Variants in CFAP74 observed in about 807,000 individuals in gnomAD.
The protein encoded by CFAP74 is cilia and flagella associated protein 74, also known as cilia- and flagella-associated protein 74.
Under a neutral mutation model 188.9 loss-of-function variants are expected in CFAP74, and 124 were observed. The ratio of observed to expected loss-of-function variants is 0.66; its 90% CI spans 0.57 to 0.76. The LOEUF is 0.76. Among genes scored for constraint, CFAP74 ranks in the 30% least tolerant of loss-of-function variants. CFAP74 has a pLI of 0.00. For missense variants in CFAP74, 2,198 were observed against 2,165.2 expected (o/e 1.02, Z -0.30); for synonymous variants, 956 against 916.7 (o/e 1.04, Z -0.77).
At chr1:1,992,846 G>A (rs1206113840) in intron 1 of CFAP74, among the ~76,000 whole-genome samples, 1 of 152,074 alleles carries the variant, frequency 6.6e-6, no homozygotes, top group African/African-American at 2.4e-5. Flanking sequence ...TTAGGAGCTT[G>A]CTCGTGTGGA....
At chr1:2,000,489 T>C (rs1658155225) in intron 1 of CFAP74, among the ~76,000 whole-genome samples, 1 of 151,698 alleles carries the variant, frequency 6.6e-6, no homozygotes, top group South Asian at 2.1e-4. Flanking sequence ...CTTCCCGGGG[T>C]CGCCATAACA....
intron 13 of CFAP74, 104 bp downstream of exon 13, chr1:1,964,784 C>G: frequency 8.1e-7 from 1 of 1,231,088 alleles, no homozygotes; most frequent in Non-Finnish European, 1.2e-6. Flanking sequence ...AGTGAGACTC[C>G]ATCTCAAAAA....
chr1:1,971,209 C>T (rs931905806), intron 9 of CFAP74, among the ~76,000 whole-genome samples: 9 of 146,696 alleles, frequency 6.1e-5, no homozygotes, highest in Non-Finnish European at 1.0e-4. Flanking sequence ...ACATGCACAC[C>T]TGCACACATA....
chr1:1,959,782 C>T (rs1654939030), intron 15 of CFAP74, among the ~76,000 whole-genome samples, 182 bp downstream of exon 15: 1 of 152,202 alleles, frequency 6.6e-6, no homozygotes, highest in South Asian at 2.1e-4. Flanking sequence ...CGGTTCTGCC[C>T]AGCATTCAGG....
intron 22 of CFAP74, among the ~76,000 whole-genome samples, 185 bp from the exon 23 acceptor site, chr1:1,940,588 T>C (rs1653301068): frequency 6.6e-6 from 1 of 152,192 alleles, no homozygotes; most frequent in Admixed American, 6.5e-5. Flanking sequence ...GTGGCCCCTG[T>C]GGCCCCGTGA....
intron 20 of CFAP74, among the ~76,000 whole-genome samples, chr1:1,946,095 G>A (rs1175662452): frequency 6.6e-6 from 1 of 152,180 alleles, no homozygotes; most frequent in Non-Finnish European, 1.5e-5. Flanking sequence ...GCATGGGCAT[G>A]CGTGTATGTG....
At position 1,971,927 on chromosome 1, in the gene CFAP74, C is replaced by T. The variant is rs117657686; in HGVS notation, c.888+53G>A. 5,647 of 1,414,002 alleles carry T rather than the reference C, an allele frequency of 4.0e-3. 177 individuals are homozygous for T. The East Asian group carries it at 0.081, about 20-fold the overall frequency. The allele number at this position is 1,414,002 out of a possible 1,614,324, so 87.6% of individuals were successfully genotyped here. ...CTCCCAAGGAGCAGGGGCCCAGGGACGGACCCCGGCAGGGCGCCAAGGGAG... is the reference window on the plus strand; with the variant it reads ...CTCCCAAGGAGCAGGGGCCCAGGGATGGACCCCGGCAGGGCGCCAAGGGAG... On this transcript the variant is annotated intron_variant, in intron 9 of 38. Transcript: ENST00000682832.
Position 1,924,456 on chromosome 1 carries a change from C to T in CFAP74, c.4169G>A (p.Arg1390Gln), listed in dbSNP as rs754015831. ...SMHLDSLSST[R>Q]GRGQQQLPQF... ...CGGCAGCTGCTGCTGGCCCCGGCCC[C>T]GGGTGCTGGAGAGGCTGTCCAGGTG... The change falls in exon 34 of 39, where the codon CGG (arginine) becomes CAG (glutamine). Residue 1390 changes from arginine (R) to glutamine (Q), a missense_variant. Arg to Gln is a conservative substitution (Grantham distance 43). Coordinates refer to ENST00000682832, the MANE Select transcript of CFAP74 (RefSeq NM_001304360.2). The T allele has an allele frequency of 2.8e-5, 45 of 1,590,740 alleles. No individual in the cohort carries two copies. Among genetic ancestry groups the T allele is most frequent in the Non-Finnish European group, 3.6e-5 (42 of 1,171,676 alleles).
chr1:1,942,110 T>C lies in CFAP74; in HGVS notation c.2533A>G (p.Arg845Gly). 2 of 1,531,966 alleles carry C rather than the reference T, an allele frequency of 1.3e-6. No individual in the cohort carries two copies. The highest frequency in any genetic ancestry group is 1.7e-4 in the Middle Eastern group (1 of 5,948). The allele number at this position is 1,531,966 out of a possible 1,614,324, so 94.9% of individuals were successfully genotyped here. A position where few individuals can be genotyped will look rare whatever the true frequency, so the allele number is the denominator to read the frequency against. Residue 845 changes from arginine to glycine, a missense_variant, in exon 22 of 39, where the codon AGG becomes GGG. Arg to Gly is a moderately radical substitution (Grantham distance 125). Transcript: ENST00000682832. This position sits in a 1 kb window ranked among gnomAD's most constrained non-coding sequence, Gnocchi z 4.3. ...RLKFEVCKEL[R>G]AHLELLPKTG... ...TTGGGCAGGAGCTCCAGGTGGGCCC[T>C]CAGCTCCTTGCACACCTCGAACTTC...
chr1:1,922,800 C>T, intron 37 of CFAP74, 77 bp from the exon 38 acceptor site: 1 of 1,532,152 alleles, frequency 6.5e-7, no homozygotes, highest in South Asian at 1.3e-5. Flanking sequence ...GTGAGGGTGC[C>T]CAGCTCCACT....
At chr1:1,971,491 T>C (rs937258104) in intron 9 of CFAP74, among the ~76,000 whole-genome samples, 3 of 152,286 alleles carry the variant, frequency 2.0e-5, no homozygotes, top group African/African-American at 7.2e-5. Flanking sequence ...TAAACCAATG[T>C]TGACGCCTGC....
At chr1:1,938,749 C>T (rs1335390570) in intron 25 of CFAP74, 106 bp downstream of exon 25, 2 of 1,334,628 alleles carry the variant, frequency 1.5e-6, no homozygotes, top group Non-Finnish European at 2.0e-6. Flanking sequence ...CTGTGGTCAG[C>T]CAGGCAGATG....
Position 1,968,659 on chromosome 1 carries a change from T to C in CFAP74, c.1221A>G (p.Thr407=). The C allele has an allele frequency of 6.2e-7, 1 of 1,605,000 alleles. No individual in the cohort carries two copies. Among genetic ancestry groups the C allele is most frequent in the Non-Finnish European group, 8.5e-7 (1 of 1,175,442 alleles). The change falls in exon 11 of 39, where the codon ACA becomes ACG. Residue 407 remains threonine (T), a synonymous_variant. Transcript: ENST00000682832. The surrounding 1 kb of genome is among the most constrained non-coding windows in gnomAD (Gnocchi z 4.3). ...CCAGTGTGTACGTGTTGGTTGGGAC[T>C]GTGGTCTTCTTGCAAAAGTCAGAAA... is the stretch of plus-strand genomic sequence containing the variant. ...NYISDFCKKT[T]VPTNTYTLDY... is the part of the protein sequence containing the mutation.
At chr1:1,959,891 G>A (rs1282116159) in intron 15 of CFAP74, 73 bp downstream of exon 15, 87 of 1,320,968 alleles carry the variant, frequency 6.6e-5, no homozygotes, top group Non-Finnish European at 8.0e-5. Context: ...CATGTTCTGC[G>A]CCACCATGCC....
intron 6 of CFAP74, among the ~76,000 whole-genome samples, chr1:1,976,102 C>G (rs942951582): frequency 6.6e-6 from 1 of 152,234 alleles, no homozygotes; most frequent in Non-Finnish European, 1.5e-5. Flanking sequence ...GAAAGGCTCC[C>G]TCAAGCCCTT....
chr1:1,937,604 A>G (rs1052532007), intron 25 of CFAP74, among the ~76,000 whole-genome samples: 2 of 152,200 alleles, frequency 1.3e-5, no homozygotes, highest in Admixed American at 1.3e-4. Context: ...AAAAGCGACC[A>G]AAACGGACCA....
intron 28 of CFAP74, chr1:1,927,297 C>T: frequency 1.7e-6 from 1 of 579,488 alleles, no homozygotes; most frequent in Non-Finnish European, 3.1e-6. Context: ...ATGTTCCTTC[C>T]CGGGGCCACA....
At chr1:1,940,535 G>A (rs1558005139) in intron 22 of CFAP74, 132 bp from the exon 23 acceptor site, 7 of 649,082 alleles carry the variant, frequency 1.1e-5, no homozygotes, top group South Asian at 8.0e-5. Context: ...GCTGGGAGAC[G>A]CATCGCGCCG....
At chr1:1,962,332 C>T (rs947768986) in intron 14 of CFAP74, among the ~76,000 whole-genome samples, 10 of 151,718 alleles carry the variant, frequency 6.6e-5, no homozygotes, top group East Asian at 1.9e-4. Context: ...AAAAATTAAC[C>T]GGACGTGGTG....
Sources: gnomAD v4.1 joint callset for allele counts (sites outside exome capture counted in the v4.1 genomes callset) on GRCh38, gnomAD v4.1.1 for gene constraint, Gnocchi (gnomAD v3.1) non-coding constraint, MANE v1.5 for transcripts, NCBI Gene and HGNC (gene_info 2026-07-23, HGNC 2026-07-21) for gene names.